GSK3B: variants seen among roughly 807,000 people sequenced by gnomAD.
GSK3B encodes the protein glycogen synthase kinase-3 beta.
A neutral mutation model predicts 56.4 loss-of-function variants in GSK3B; 15 were observed. That is an observed-to-expected ratio of 0.27 (90% confidence interval 0.18 to 0.41). The LOEUF is 0.41. Ranked by LOEUF, GSK3B falls within the 10% of genes least tolerant of loss-of-function variation. GSK3B has a pLI of 1.00. For synonymous variants in GSK3B, 181 were observed against 188.9 expected, an observed-to-expected ratio of 0.96 and a Z score of 0.34; for missense variants, 300 against 513.4, an observed-to-expected ratio of 0.58 and a Z score of 4.02.
intron 1 of GSK3B, among the ~76,000 whole-genome samples, chr3:120,070,349 T>C (rs1286453900): frequency 1.3e-5 from 2 of 151,858 alleles, no homozygotes; most frequent in Non-Finnish European, 2.9e-5. Flanking sequence ...CTGCTAATAA[T>C]AACAGCAGCT....
chr3:119,896,194 C>T (rs1320945651), intron 7 of GSK3B, among the ~76,000 whole-genome samples: 1 of 150,938 alleles, frequency 6.6e-6, no homozygotes, highest in Non-Finnish European at 1.5e-5. Flanking sequence ...GGACTTCATT[C>T]TTTTCTTACT....
At chr3:119,868,913 G>GA (rs2056216042) in intron 8 of GSK3B, among the ~76,000 whole-genome samples, 1 of 152,136 alleles carries the variant, frequency 6.6e-6, no homozygotes, top group Non-Finnish European at 1.5e-5. Context: ...GATTAAAAGT[G>GA]AGACAATGCC....
At chr3:120,057,478 A>G (rs2058200632) in intron 1 of GSK3B, among the ~76,000 whole-genome samples, 1 of 152,220 alleles carries the variant, frequency 6.6e-6, no homozygotes, top group African/African-American at 2.4e-5. Context: ...AACTGCAAAA[A>G]GTAAAACTGG....
intron 1 of GSK3B, among the ~76,000 whole-genome samples, chr3:120,063,123 T>G (rs2058251386): frequency 1.3e-5 from 2 of 152,176 alleles, no homozygotes; most frequent in Non-Finnish European, 2.9e-5. Flanking sequence ...CCCAATTTTT[T>G]TAAAAAAGCA....
intron 2 of GSK3B, among the ~76,000 whole-genome samples, chr3:119,957,485 T>C (rs1437036627): frequency 6.6e-6 from 1 of 152,208 alleles, no homozygotes; most frequent in Non-Finnish European, 1.5e-5. Context: ...CTTGAATACT[T>C]AGTTTTCGGA....
At chr3:120,030,373 A>G (rs1315290835) in intron 1 of GSK3B, among the ~76,000 whole-genome samples, 1 of 151,854 alleles carries the variant, frequency 6.6e-6, no homozygotes, top group African/African-American at 2.4e-5. Context: ...AGACCAGACT[A>G]CTCTTTCAAC....
chr3:119,916,521 A>C (rs1376277796), intron 4 of GSK3B, among the ~76,000 whole-genome samples: 1 of 152,210 alleles, frequency 6.6e-6, no homozygotes, highest in Non-Finnish European at 1.5e-5. Context: ...AAAAGCTCAG[A>C]GAGGCACCCC....
At chr3:119,889,721 A>G (rs974341320) in intron 7 of GSK3B, among the ~76,000 whole-genome samples, 2 of 152,146 alleles carry the variant, frequency 1.3e-5, no homozygotes, top group African/African-American at 4.8e-5. Flanking sequence ...ACTGAATGTA[A>G]ATAGTCTAAG....
At chr3:119,876,261 A>C in intron 8 of GSK3B, 152 bp downstream of exon 8, 1 of 575,916 alleles carries the variant, frequency 1.7e-6, no homozygotes, top group Admixed American at 3.0e-5. Context: ...ATATAAAGTC[A>C]ATGAAACACT....
chr3:120,052,197 C>G (rs1254858662), intron 1 of GSK3B, among the ~76,000 whole-genome samples: 1 of 152,042 alleles, frequency 6.6e-6, no homozygotes, highest in Non-Finnish European at 1.5e-5. Context: ...CAACAGGGCT[C>G]TAAAATGTTT....
intron 9 of GSK3B, among the ~76,000 whole-genome samples, chr3:119,861,559 A>C (rs546082959): frequency 1.2e-4 from 19 of 152,112 alleles, no homozygotes; most frequent in African/African-American, 3.9e-4. Context: ...AAAAACCAAA[A>C]AACAACAACA....
At chr3:119,896,544 TA>T (rs1364293236) in intron 7 of GSK3B, among the ~76,000 whole-genome samples, 2 of 150,146 alleles carry the variant, frequency 1.3e-5, no homozygotes, top group Admixed American at 6.7e-5. Flanking sequence ...CTTAATATCT[TA>T]TACATCAAAT....
At chr3:119,918,482 A>AAAAAC (rs750785819) in intron 4 of GSK3B, among the ~76,000 whole-genome samples, 2 of 152,050 alleles carry the variant, frequency 1.3e-5, no homozygotes, top group Non-Finnish European at 1.5e-5. Flanking sequence ...TCAAAAAAAC[A>AAAAAC]AAAACAAAAC....
chr3:120,047,447 A>G (rs2058113213), intron 1 of GSK3B, among the ~76,000 whole-genome samples: 1 of 152,144 alleles, frequency 6.6e-6, no homozygotes, highest in South Asian at 2.1e-4. Context: ...ACTAAACCCA[A>G]TGCCAGGAGA....
chr3:119,884,087 C>T (rs889040672), intron 7 of GSK3B, among the ~76,000 whole-genome samples: 1 of 152,014 alleles, frequency 6.6e-6, no homozygotes, highest in Non-Finnish European at 1.5e-5. Flanking sequence ...TAAAGATGGG[C>T]ATACAAATAT....
chr3:119,944,388 A>C (rs938109363), intron 3 of GSK3B, among the ~76,000 whole-genome samples: 2 of 152,214 alleles, frequency 1.3e-5, no homozygotes, highest in African/African-American at 4.8e-5. Flanking sequence ...AAACCTCAAG[A>C]AGAAAATTTC....
At chr3:119,886,801 G>A (rs2056441314) in intron 7 of GSK3B, among the ~76,000 whole-genome samples, 1 of 152,084 alleles carries the variant, frequency 6.6e-6, no homozygotes. Context: ...TCACTTATAA[G>A]TGGGAGCTAA....
intron 2 of GSK3B, among the ~76,000 whole-genome samples, chr3:119,950,433 T>G (rs2057146388): frequency 6.6e-6 from 1 of 152,104 alleles, no homozygotes; most frequent in Admixed American, 6.5e-5. Flanking sequence ...AACTCAGTGG[T>G]GGGCTTGGCA....
intron 1 of GSK3B, among the ~76,000 whole-genome samples, chr3:120,089,541 A>G (rs1248185734): frequency 6.6e-6 from 1 of 152,244 alleles, no homozygotes; most frequent in Non-Finnish European, 1.5e-5. Context: ...ACGACGTAAT[A>G]CTGCAGAATA....
Sources: gnomAD v4.1 joint callset for allele counts (sites outside exome capture counted in the v4.1 genomes callset) on GRCh38, gnomAD v4.1.1 for gene constraint, MANE v1.5 for transcripts, NCBI Gene and HGNC (gene_info 2026-07-23, HGNC 2026-07-21) for gene names.